Variants in BTBD9 observed in about 807,000 individuals in gnomAD.
The protein encoded by BTBD9 is BTB domain containing 9.
A neutral mutation model predicts 64.3 loss-of-function variants in BTBD9; 49 were observed. The ratio of observed to expected loss-of-function variants is 0.76; its 90% CI spans 0.61 to 0.97. The LOEUF (loss-of-function observed/expected upper bound fraction) is 0.97. BTBD9 is among the 50% of genes least tolerant of loss of function. The pLI, the probability that BTBD9 is intolerant of heterozygous loss-of-function variation, is 0.00. For missense variants in BTBD9, 598 were observed against 762.1 expected (o/e 0.78, Z 2.53); for synonymous variants, 260 against 274.7 (o/e 0.95, Z 0.53).
chr6:38,529,933 A>G (rs1026967641), intron 6 of BTBD9, among the ~76,000 whole-genome samples: 1 of 152,192 alleles, frequency 6.6e-6, no homozygotes, highest in Non-Finnish European at 1.5e-5. Context: ...AGGCAAAAAG[A>G]GCCATATTTT....
chr6:38,245,422 C>G (rs1488785857), intron 9 of BTBD9, among the ~76,000 whole-genome samples: 1 of 152,088 alleles, frequency 6.6e-6, no homozygotes, highest in Non-Finnish European at 1.5e-5. Context: ...AGACAGAGAC[C>G]AGCATGGCAT....
chr6:38,187,613 C>T (rs1029899093), intron 10 of BTBD9, among the ~76,000 whole-genome samples: 7 of 152,042 alleles, frequency 4.6e-5, no homozygotes, highest in Non-Finnish European at 8.8e-5. Flanking sequence ...GAGCAGAGGA[C>T]GACAGAAGCA....
chr6:38,301,228 T>C (rs2127563672), intron 7 of BTBD9, among the ~76,000 whole-genome samples: 1 of 152,348 alleles, frequency 6.6e-6, no homozygotes, highest in South Asian at 2.1e-4. Context: ...TCATGGTAGA[T>C]AAGCTTTTTG....
In BTBD9 at chr6:38,172,166, C is replaced by G. The variant is rs1267838431; in HGVS notation, c.*2819G>C. The G allele has an allele frequency of 2.6e-5, 4 of 152,426 alleles. No individual in the cohort carries two copies. The highest frequency in any genetic ancestry group is 2.0e-4 in the Admixed American group (3 of 15,284). The allele number at this position is 152,426 out of a possible 1,614,324, so 9.4% of individuals were successfully genotyped here. ...CATGTCTCCTTCACAACCCCCGCTC[C>G]CCACGGACTGAGCCTCCACTCTCTG... is the stretch of plus-strand genomic sequence containing the variant. On this transcript the variant is annotated 3_prime_UTR_variant, in exon 11 of 11. Transcript: ENST00000481247.
At chr6:38,219,129 CTTTTTT>C (rs5875622) in intron 9 of BTBD9, among the ~76,000 whole-genome samples, 2 of 70,892 alleles carry the variant, frequency 2.8e-5, no homozygotes, top group African/African-American at 6.3e-5. Flanking sequence ...ACTTTCTTTT[CTTTTTT>C]TTTTTTTTTT....
intron 6 of BTBD9, among the ~76,000 whole-genome samples, chr6:38,369,057 G>A (rs527470490): frequency 6.6e-6 from 1 of 152,242 alleles, no homozygotes; most frequent in South Asian, 2.1e-4. Flanking sequence ...AGAATTCTGA[G>A]TTATCTTTGA....
intron 6 of BTBD9, among the ~76,000 whole-genome samples, chr6:38,380,764 G>T (rs1415846131): frequency 6.6e-6 from 1 of 152,188 alleles, no homozygotes; most frequent in African/African-American, 2.4e-5. Context: ...AGGATCCCTT[G>T]AGCATAGGAG....
intron 9 of BTBD9, among the ~76,000 whole-genome samples, chr6:38,223,255 ATAGTCAATCCCATGAAAC>A (rs1763278568): frequency 6.6e-6 from 1 of 152,228 alleles, no homozygotes; most frequent in African/African-American, 2.4e-5. Flanking sequence ...CAGCATCTTA[ATAGTCAATCCCATGAAAC>A]TAGAGCATTA....
chr6:38,302,485 G>GTATATATATATATATATA lies in BTBD9; in HGVS notation c.1265-14042_1265-14025dup, dbSNP rs59324806. On this transcript the variant is annotated intron_variant, in intron 7 of 10. Coordinates refer to ENST00000481247, the MANE Select transcript of BTBD9 (RefSeq NM_001099272.2). Reference sequence around the variant, plus strand: ...CTGAATAATATTCCATTGTGTGTATGTATATATATATATATATATATATAT... The same window carrying GTATATATATATATATATA: ...CTGAATAATATTCCATTGTGTGTATGTATATATATATATATATATATATATATATATATATATATATAT... Among the ~76,000 whole-genome samples, 381 of 106,764 alleles carry GTATATATATATATATATA rather than the reference G, an allele frequency of 3.6e-3. 20 individuals carry two copies. Among genetic ancestry groups the GTATATATATATATATATA allele is most frequent in the Non-Finnish European group, 5.1e-3 (269 of 53,252 alleles). The allele number at this position is 106,764 out of a possible 152,430, so 70.0% of individuals were successfully genotyped here.
chr6:38,191,613 G>A (rs891363928), intron 10 of BTBD9, among the ~76,000 whole-genome samples: 2 of 152,172 alleles, frequency 1.3e-5, no homozygotes, highest in Admixed American at 6.5e-5. Flanking sequence ...CACCAGACTC[G>A]GGCTCCGCCC....
At chr6:38,564,453 T>C (rs543843389) in intron 6 of BTBD9, among the ~76,000 whole-genome samples, 1 of 152,298 alleles carries the variant, frequency 6.6e-6, no homozygotes, top group Non-Finnish European at 1.5e-5. Context: ...GCATTTCAGC[T>C]TGCTAAATGA....
At chr6:38,476,697 C>A (rs1238388470) in intron 6 of BTBD9, among the ~76,000 whole-genome samples, 1 of 152,166 alleles carries the variant, frequency 6.6e-6, no homozygotes, top group Non-Finnish European at 1.5e-5. Context: ...TGAACTCTGA[C>A]AATTTCCTCT....
Position 38,256,428 on chromosome 6 carries a change from T to C in BTBD9, c.1543A>G (p.Arg515Gly), listed in dbSNP as rs1216079615. Residue 515 changes from arginine to glycine, a missense_variant, in exon 9 of 11, where the codon AGA becomes GGA. By Grantham distance (125) the Arg-to-Gly change is moderately radical. Coordinates refer to ENST00000481247, the MANE Select transcript of BTBD9 (RefSeq NM_001099272.2). ...ACTTACTTGCAGGAGACTTTAGTTC[T>C]GTCAGCAACCATGGTCCACTGTTGC... is the stretch of plus-strand genomic sequence containing the variant. ...NQQQWTMVAD[R>G]TKVSCKSWQS... is the part of the protein sequence containing the mutation. 1.9e-6 allele frequency: 3 copies of C among 1,613,326 alleles called. No individual in the cohort carries two copies. The highest frequency in any genetic ancestry group is 2.5e-6 in the Non-Finnish European group (3 of 1,179,264).
intron 6 of BTBD9, among the ~76,000 whole-genome samples, chr6:38,565,746 A>G (rs980174694): frequency 6.6e-6 from 1 of 152,260 alleles, no homozygotes; most frequent in African/African-American, 2.4e-5. Flanking sequence ...GATAGCATTT[A>G]GTAAAATGTT....
intron 6 of BTBD9, among the ~76,000 whole-genome samples, chr6:38,362,932 G>A (rs1582296412): frequency 6.6e-6 from 1 of 152,114 alleles, no homozygotes; most frequent in South Asian, 2.1e-4. Context: ...GGGAATCTCA[G>A]TAATAGGAGA....
At chr6:38,459,767 A>G (rs1174542671) in intron 6 of BTBD9, among the ~76,000 whole-genome samples, 1 of 152,216 alleles carries the variant, frequency 6.6e-6, no homozygotes, top group East Asian at 1.9e-4. Flanking sequence ...ATTTGCTCAA[A>G]AAACCCACTT....
chr6:38,230,546 G>C (rs1763564522), intron 9 of BTBD9, among the ~76,000 whole-genome samples: 1 of 136,520 alleles, frequency 7.3e-6, no homozygotes, highest in Non-Finnish European at 1.6e-5. Context: ...CTACTCCCTT[G>C]CCTAAAACCC....
chr6:38,309,045 G>A (rs550029463), intron 7 of BTBD9, among the ~76,000 whole-genome samples: 1 of 151,366 alleles, frequency 6.6e-6, no homozygotes, highest in Non-Finnish European at 1.5e-5. Context: ...ATTGAACAGA[G>A]AACAAAAGAC....
At chr6:38,626,147 A>G (rs1001106957) in intron 1 of BTBD9, among the ~76,000 whole-genome samples, 3 of 152,220 alleles carry the variant, frequency 2.0e-5, no homozygotes, top group Non-Finnish European at 4.4e-5. Context: ...CTCCACACAT[A>G]CTTAAAAAAA....
Sources: allele counts gnomAD v4.1 joint callset (sites outside exome capture counted in the v4.1 genomes callset), GRCh38; gene constraint gnomAD v4.1.1; transcripts MANE v1.5; gene names NCBI Gene and HGNC (gene_info 2026-07-23, HGNC 2026-07-21).